EXOC4: variants seen among roughly 807,000 people sequenced by gnomAD.
The protein encoded by EXOC4 is SEC8-like 1.
EXOC4 carries 71 observed loss-of-function variants against 107.2 expected under a neutral mutation model. The observed-to-expected ratio is 0.66, with a 90% CI of 0.55 to 0.81. EXOC4 has a LOEUF of 0.81. Among genes scored for constraint, EXOC4 ranks in the 30% least tolerant of loss-of-function variants. The pLI is 0.00. For missense variants in EXOC4, 1,108 were observed against 1,189.6 expected, an observed-to-expected ratio of 0.93 and a Z score of 1.01; for synonymous variants, 456 against 441.2, an observed-to-expected ratio of 1.03 and a Z score of -0.42.
At chr7:134,010,431 A>T (rs1284739448) in intron 17 of EXOC4, 1 of 152,204 alleles carries the variant, frequency 6.6e-6, no homozygotes, top group Non-Finnish European at 1.5e-5. Context: ...TACTACTCAT[A>T]GTCTCTTTCC....
At chr7:133,778,205 G>C (rs2542255) in intron 10 of EXOC4, among the ~76,000 whole-genome samples, 131,173 of 152,156 alleles carry the variant, frequency 0.86, 56,703 homozygotes, top group East Asian at 0.99. Flanking sequence ...CTTATCTTAG[G>C]GGGGGTAATT....
At chr7:134,093,386 T>C in the EXOC4 span, among the ~76,000 whole-genome samples, 2 of 152,182 alleles carry the variant, frequency 1.3e-5, no homozygotes, top group African/African-American at 2.4e-5. Flanking sequence ...ATTCTAAATA[T>C]ATATGCACCC....
At chr7:133,496,244 T>C (rs1799475175) in intron 9 of EXOC4, among the ~76,000 whole-genome samples, 1 of 152,112 alleles carries the variant, frequency 6.6e-6, no homozygotes, top group Admixed American at 6.6e-5. Flanking sequence ...AGCCTTGATC[T>C]CCTGGACATC....
intron 11 of EXOC4, among the ~76,000 whole-genome samples, chr7:133,857,172 A>ACACG (rs1208614705): frequency 5.8e-5 from 1 of 17,130 alleles, no homozygotes; most frequent in African/African-American, 3.3e-4. Context: ...ATATATATAT[A>ACACG]TATATATATA....
intron 10 of EXOC4, among the ~76,000 whole-genome samples, chr7:133,649,826 T>C (rs1803095532): frequency 6.6e-6 from 1 of 152,140 alleles, no homozygotes; most frequent in South Asian, 2.1e-4. Flanking sequence ...TCAGTATTTT[T>C]GTTGATGCTG....
chr7:134,063,482 T>G (rs7457999), intron 17 of EXOC4, among the ~76,000 whole-genome samples: 1 of 152,044 alleles, frequency 6.6e-6, no homozygotes, highest in Non-Finnish European at 1.5e-5. Flanking sequence ...GTCTTTGTGA[T>G]GTGGGCAAGC....
intron 11 of EXOC4, among the ~76,000 whole-genome samples, chr7:133,885,372 A>T (rs1009843169): frequency 2.2e-4 from 33 of 151,894 alleles, no homozygotes; most frequent in Admixed American, 1.9e-3. Flanking sequence ...ATTTCACCTT[A>T]CCAGATCAGG....
At chr7:133,439,096 TTCAG>T (rs769384975) in intron 7 of EXOC4, among the ~76,000 whole-genome samples, 24 of 152,026 alleles carry the variant, frequency 1.6e-4, no homozygotes, top group Non-Finnish European at 2.8e-4. Flanking sequence ...CACTGTTCCT[TTCAG>T]TCAGTATTTG....
At chr7:133,275,323 G>T (rs1444550633) in intron 2 of EXOC4, 152 bp downstream of exon 2, 4 of 587,674 alleles carry the variant, frequency 6.8e-6, no homozygotes, top group Non-Finnish European at 8.1e-6. Flanking sequence ...GGAAAGGCTG[G>T]TTGGGAAAGA....
At chr7:133,972,727 T>C (rs574456968) in intron 14 of EXOC4, among the ~76,000 whole-genome samples, 1 of 152,306 alleles carries the variant, frequency 6.6e-6, no homozygotes, top group South Asian at 2.1e-4. Context: ...TTTTTGGTAA[T>C]TTTGTGTGTT....
At chr7:133,960,262 T>C (rs141615780) in intron 14 of EXOC4, among the ~76,000 whole-genome samples, 194 of 152,358 alleles carry the variant, frequency 1.3e-3, no homozygotes, top group African/African-American at 4.5e-3. Flanking sequence ...AAAACTGTTA[T>C]AAGGAATTTA....
intron 12 of EXOC4, among the ~76,000 whole-genome samples, chr7:133,905,276 T>G (rs1265641521): frequency 6.6e-6 from 1 of 152,184 alleles, no homozygotes; most frequent in African/African-American, 2.4e-5. Flanking sequence ...CACCTTTCTA[T>G]GAGTACCTCA....
At chr7:133,878,295 G>T (rs1023670199) in intron 11 of EXOC4, among the ~76,000 whole-genome samples, 1 of 152,102 alleles carries the variant, frequency 6.6e-6, no homozygotes, top group South Asian at 2.1e-4. Context: ...GACCATAATT[G>T]TTATGTGGCT....
At chr7:133,337,731 T>C (rs558579551) in intron 5 of EXOC4, among the ~76,000 whole-genome samples, 3 of 149,670 alleles carry the variant, frequency 2.0e-5, no homozygotes, top group African/African-American at 7.4e-5. Flanking sequence ...CCTTCCAGGC[T>C]TAGTTGATCC....
At chr7:133,992,307 G>A (rs1208002419) in intron 14 of EXOC4, among the ~76,000 whole-genome samples, 1 of 151,526 alleles carries the variant, frequency 6.6e-6, no homozygotes, top group Non-Finnish European at 1.5e-5. Context: ...TTTTGATACA[G>A]GGTCTGACGC....
intron 9 of EXOC4, among the ~76,000 whole-genome samples, chr7:133,583,573 G>A (rs1801328542): frequency 6.6e-6 from 1 of 152,172 alleles, no homozygotes; most frequent in South Asian, 2.1e-4. Context: ...AGAATGCCAA[G>A]CAAATGGATT....
At chr7:133,521,690 GC>G (rs1318839268) in intron 9 of EXOC4, among the ~76,000 whole-genome samples, 5 of 152,002 alleles carry the variant, frequency 3.3e-5, no homozygotes, top group Non-Finnish European at 7.4e-5. Flanking sequence ...TGCAGTCTTG[GC>G]TCACTGCAAC....
At chr7:133,921,638 G>A (rs1217150807) in intron 13 of EXOC4, among the ~76,000 whole-genome samples, 7 of 151,768 alleles carry the variant, frequency 4.6e-5, no homozygotes, top group Admixed American at 4.6e-4. Flanking sequence ...TGTATACTTT[G>A]AATATGATAT....
chr7:133,704,919 A>G (rs1186788773), intron 10 of EXOC4, among the ~76,000 whole-genome samples: 3 of 152,216 alleles, frequency 2.0e-5, no homozygotes, highest in Non-Finnish European at 4.4e-5. Context: ...CATGTTGAAC[A>G]ATTATAACAA....
Sources: gnomAD v4.1 joint callset for allele counts (sites outside exome capture counted in the v4.1 genomes callset) on GRCh38, gnomAD v4.1.1 for gene constraint, MANE v1.5 for transcripts, NCBI Gene and HGNC (gene_info 2026-07-23, HGNC 2026-07-21) for gene names.